Variants in DHRSX observed in about 807,000 individuals in gnomAD.
DHRSX encodes the protein polyprenol dehydrogenase.
DHRSX carries 31 observed loss-of-function variants against 34.0 expected under a neutral mutation model. That is an observed-to-expected ratio of 0.91 (90% CI 0.69 to 1.23). The LOEUF is 1.23. Ranked by LOEUF, DHRSX falls within the 50% of genes most tolerant of loss-of-function variation. The pLI, the probability that DHRSX is intolerant of heterozygous loss-of-function variation, is 0.00. For synonymous variants in DHRSX, 201 were observed against 183.8 expected (o/e 1.09, Z -0.76); for missense variants, 414 against 428.1 (o/e 0.97, Z 0.29).
intron 1 of DHRSX, among the ~76,000 whole-genome samples, chrX:2,445,065 G>A (rs2044112468): frequency 1.3e-5 from 2 of 152,164 alleles, no homozygotes; most frequent in African/African-American, 4.8e-5. Context: ...GCTGAGGCGG[G>A]GGAATTGCTT....
intron 1 of DHRSX, among the ~76,000 whole-genome samples, chrX:2,448,535 T>C (rs1223630005): frequency 6.7e-6 from 1 of 149,586 alleles, no homozygotes; most frequent in Admixed American, 6.7e-5. Context: ...ATATGTTAAT[T>C]AGCTTGTTAA....
At chrX:2,415,729 C>T (rs1168936969) in intron 2 of DHRSX, among the ~76,000 whole-genome samples, 1 of 151,238 alleles carries the variant, frequency 6.6e-6, no homozygotes, top group Non-Finnish European at 1.5e-5. Flanking sequence ...TCACAACCAA[C>T]CCAAATAGAC....
chrX:2,443,395 A>T (rs2044086656), intron 1 of DHRSX, among the ~76,000 whole-genome samples: 1 of 151,962 alleles, frequency 6.6e-6, no homozygotes, highest in African/African-American at 2.4e-5. Context: ...TCTTACAGAA[A>T]ACCAAAGGCA....
Position 2,480,358 on chromosome X carries a change from CTTCA to C in DHRSX, c.109+20455_109+20458del, listed in dbSNP as rs760935572. Among the ~76,000 whole-genome samples, 309 of 149,572 alleles carry C rather than the reference CTTCA, an allele frequency of 2.1e-3. 2 individuals are homozygous for C. The highest frequency in any genetic ancestry group is 6.3e-3 in the African/African-American group (256 of 40,658). ...CAATGGTGGTTGCCAGGGAAGAATG[CTTCA>C]TGAAGTGTTTGTCAAAGAACATAAA... is the stretch of plus-strand genomic sequence containing the variant. On this transcript the variant is annotated intron_variant, in intron 1 of 6. Transcript: ENST00000334651.
At chrX:2,412,009 T>C (rs953237832) in intron 2 of DHRSX, among the ~76,000 whole-genome samples, 14 of 152,194 alleles carry the variant, frequency 9.2e-5, no homozygotes, top group Admixed American at 7.9e-4. Flanking sequence ...CTTTGGCCAA[T>C]GTCACCTTCA....
At chrX:2,488,861 C>T (rs143351418) in intron 1 of DHRSX, 21 of 1,613,116 alleles carry the variant, frequency 1.3e-5, no homozygotes, top group South Asian at 3.3e-5. Flanking sequence ...TCCGAAGAGA[C>T]GCTCAGGGGC....
intron 6 of DHRSX, among the ~76,000 whole-genome samples, chrX:2,231,109 C>T (rs2015866657): frequency 6.6e-6 from 1 of 152,052 alleles, no homozygotes; most frequent in African/African-American, 2.4e-5. Flanking sequence ...CAAAGGAGGG[C>T]ATTTATCCAC....
intron 3 of DHRSX, among the ~76,000 whole-genome samples, chrX:2,330,082 G>GAA (rs2042440398): frequency 1.8e-5 from 1 of 56,838 alleles, no homozygotes; most frequent in Non-Finnish European, 3.1e-5. Context: ...GCGGGGGGGG[G>GAA]GGGGGGGGGG....
chrX:2,335,172 A>AG (rs2042539137), intron 3 of DHRSX, among the ~76,000 whole-genome samples: 1 of 146,226 alleles, frequency 6.8e-6, no homozygotes. Flanking sequence ...ACAACAGAGT[A>AG]GGACTCCATC....
intron 6 of DHRSX, among the ~76,000 whole-genome samples, chrX:2,236,137 T>A (rs2016010431): frequency 6.8e-6 from 1 of 147,276 alleles, no homozygotes; most frequent in South Asian, 2.2e-4. Context: ...ATAAATAAAA[T>A]AAATAAATCC....
intron 2 of DHRSX, among the ~76,000 whole-genome samples, chrX:2,419,572 T>C (rs2043745935): frequency 6.6e-6 from 1 of 152,068 alleles, no homozygotes; most frequent in Admixed American, 6.5e-5. Flanking sequence ...CCAACCTAAA[T>C]GTCCAACAAC....
At chrX:2,349,588 G>A (rs1275837836) in intron 3 of DHRSX, among the ~76,000 whole-genome samples, 2 of 151,806 alleles carry the variant, frequency 1.3e-5, no homozygotes, top group Non-Finnish European at 2.9e-5. Flanking sequence ...TTGGGAGGCT[G>A]AGGCAAGAGA....
At chrX:2,450,370 G>A (rs1316889490) in intron 1 of DHRSX, among the ~76,000 whole-genome samples, 2 of 152,178 alleles carry the variant, frequency 1.3e-5, no homozygotes, top group East Asian at 3.9e-4. Flanking sequence ...GCTGAGACAG[G>A]AGAATCGCTC....
intron 1 of DHRSX, among the ~76,000 whole-genome samples, chrX:2,443,707 TA>T (rs992231481): frequency 1.3e-5 from 2 of 151,348 alleles, no homozygotes; most frequent in East Asian, 1.9e-4. Context: ...GATGAGATGG[TA>T]AAAAAAAGAG....
At chrX:2,460,735 C>A (rs56054743) in intron 1 of DHRSX, among the ~76,000 whole-genome samples, 6,403 of 152,104 alleles carry the variant, frequency 0.042, 227 homozygotes, top group South Asian at 0.15. Flanking sequence ...AAATGCACAC[C>A]TTATGTCCAG....
intron 3 of DHRSX, among the ~76,000 whole-genome samples, chrX:2,297,916 C>T (rs932682660): frequency 1.3e-5 from 2 of 151,868 alleles, no homozygotes. Flanking sequence ...CCACCACGCC[C>T]GGCTTATTTT....
chrX:2,473,125 C>T (rs186996288), intron 1 of DHRSX, among the ~76,000 whole-genome samples: 1,958 of 147,292 alleles, frequency 0.013, 18 homozygotes, highest in Middle Eastern at 0.057. Context: ...GCCTCAGGAA[C>T]GTGGCACAGT....
intron 1 of DHRSX, among the ~76,000 whole-genome samples, chrX:2,445,291 G>T (rs970863299): frequency 6.6e-6 from 1 of 152,110 alleles, no homozygotes; most frequent in Non-Finnish European, 1.5e-5. Context: ...GCTTTCCCAG[G>T]AACTGCGTAC....
intron 3 of DHRSX, among the ~76,000 whole-genome samples, chrX:2,323,626 G>C (rs1318918409): frequency 3.3e-5 from 5 of 152,070 alleles, no homozygotes; most frequent in Non-Finnish European, 7.4e-5. Flanking sequence ...ATACATAGCT[G>C]GGAATGATGA....
Sources: allele counts gnomAD v4.1 joint callset (sites outside exome capture counted in the v4.1 genomes callset), GRCh38; gene constraint gnomAD v4.1.1; transcripts MANE v1.5; gene names NCBI Gene and HGNC (gene_info 2026-07-23, HGNC 2026-07-21).